The following RPTOR variants were observed in gnomAD, a reference collection of about 807,000 sequenced individuals.
RPTOR encodes regulatory associated protein of MTOR complex 1, also known as regulatory-associated protein of mTOR.
RPTOR carries 21 observed loss-of-function variants against 169.9 expected under a neutral mutation model. The ratio of observed to expected loss-of-function variants is 0.12; its 90% CI spans 0.09 to 0.18. RPTOR has a LOEUF of 0.18. Ranked by LOEUF, RPTOR falls within the 10% of genes least tolerant of loss-of-function variation. The pLI, the probability that RPTOR is intolerant of heterozygous loss-of-function variation, is 1.00. For synonymous variants in RPTOR, 732 were observed against 753.2 expected (o/e 0.97, Z 0.46); for missense variants, 1,133 against 1,855.9 (o/e 0.61, Z 7.16).
intron 7 of RPTOR, among the ~76,000 whole-genome samples, chr17:80,793,214 A>T (rs914722179): frequency 2.1e-4 from 32 of 152,224 alleles, no homozygotes; most frequent in Admixed American, 1.3e-4. Flanking sequence ...TAAATCCAAA[A>T]AACTTAACTG....
chr17:80,741,830 C>A (rs756150484), intron 5 of RPTOR, among the ~76,000 whole-genome samples: 4 of 152,060 alleles, frequency 2.6e-5, no homozygotes, highest in Admixed American at 6.5e-5. Flanking sequence ...TCGAGGCCTG[C>A]GTTCGGTGGT....
intron 1 of RPTOR, among the ~76,000 whole-genome samples, chr17:80,590,639 C>T (rs768713238): frequency 1.3e-5 from 2 of 152,190 alleles, no homozygotes; most frequent in Admixed American, 6.5e-5. Flanking sequence ...TGCGCACATG[C>T]GTGCACACAG....
intron 3 of RPTOR, among the ~76,000 whole-genome samples, chr17:80,668,907 A>G (rs2065801175): frequency 6.6e-6 from 1 of 152,224 alleles, no homozygotes. Flanking sequence ...TCTGTCCAGT[A>G]TTCTGTAAAG....
At chr17:80,781,168 C>T (rs141776785) in intron 6 of RPTOR, among the ~76,000 whole-genome samples, 43 of 152,314 alleles carry the variant, frequency 2.8e-4, no homozygotes, top group African/African-American at 9.1e-4. Flanking sequence ...TCAGATCCTC[C>T]GGTGACATTG....
At chr17:80,590,044 A>C (rs1375550809) in intron 1 of RPTOR, among the ~76,000 whole-genome samples, 1 of 152,264 alleles carries the variant, frequency 6.6e-6, no homozygotes, top group African/African-American at 2.4e-5. Context: ...CCATCAGATT[A>C]AGGAAGGTTT....
At chr17:80,716,829 T>G (rs2066243151) in intron 4 of RPTOR, among the ~76,000 whole-genome samples, 1 of 152,172 alleles carries the variant, frequency 6.6e-6, no homozygotes, top group Non-Finnish European at 1.5e-5. Flanking sequence ...AAAGGGTGTC[T>G]TTTCCCCACT....
intron 1 of RPTOR, among the ~76,000 whole-genome samples, chr17:80,605,413 C>T (rs7218776): frequency 0.56 from 85,005 of 151,910 alleles, 24,280 homozygotes; most frequent in Non-Finnish European, 0.62. Context: ...GCAGGTGATA[C>T]GTGAGAGTCA....
intron 3 of RPTOR, among the ~76,000 whole-genome samples, chr17:80,644,515 G>A (rs1040558699): frequency 6.6e-6 from 1 of 152,094 alleles, no homozygotes; most frequent in Admixed American, 6.5e-5. Flanking sequence ...TTATGGAAGT[G>A]CCCTATATTC....
intron 13 of RPTOR, among the ~76,000 whole-genome samples, chr17:80,870,124 A>G (rs1393471538): frequency 6.6e-6 from 1 of 152,240 alleles, no homozygotes; most frequent in Non-Finnish European, 1.5e-5. Flanking sequence ...GATAAAATTA[A>G]TACTCAGTCC....
intron 20 of RPTOR, among the ~76,000 whole-genome samples, chr17:80,899,917 G>C (rs1300795797): frequency 6.6e-6 from 1 of 152,180 alleles, no homozygotes; most frequent in East Asian, 1.9e-4. Context: ...GGCCTCCAAG[G>C]ATACTCCTGT....
chr17:80,816,847 G>T (rs1009332584), intron 7 of RPTOR, among the ~76,000 whole-genome samples: 4 of 152,160 alleles, frequency 2.6e-5, no homozygotes, highest in Non-Finnish European at 5.9e-5. Context: ...CAGGCATAAG[G>T]CCCCAGCGGC....
intron 1 of RPTOR, among the ~76,000 whole-genome samples, chr17:80,574,146 T>C (rs1466346395): frequency 6.7e-6 from 1 of 148,532 alleles, no homozygotes; most frequent in Non-Finnish European, 1.5e-5. Context: ...GATGGTTTTT[T>C]TTTTCTTTTT....
chr17:80,760,674 G>C (rs74001011), intron 6 of RPTOR, among the ~76,000 whole-genome samples: 4,247 of 152,264 alleles, frequency 0.028, 210 homozygotes, highest in African/African-American at 0.097. Flanking sequence ...GGCACTTCCT[G>C]CTCCAGAAAA....
intron 6 of RPTOR, among the ~76,000 whole-genome samples, chr17:80,785,606 C>A (rs1197062878): frequency 5.9e-5 from 9 of 152,134 alleles, no homozygotes; most frequent in Non-Finnish European, 1.2e-4. Flanking sequence ...TTTCAAGTGG[C>A]AGCAGGCAGT....
Position 80,964,274 on chromosome 17 carries a change from G to A in RPTOR, c.3952G>A (p.Val1318Met), listed in dbSNP as rs371220837. Residue 1318 changes from valine to methionine, a missense_variant, in exon 34 of 34, where the codon GTG becomes ATG. Val to Met is a conservative substitution (Grantham distance 21, BLOSUM62 1). This residue lies in a region of RPTOR where 410 missense variants were observed against 623.7 expected (regional missense o/e 0.66). Transcript: ENST00000306801. ...TCTCTCCTTGCAGCCTCACCTGGCC[G>A]TGGGAAGCAACGACTACTACATCTC... ...AFHPHWPHLA[V>M]GSNDYYISVY... 25 of 1,606,066 alleles carry A rather than the reference G, an allele frequency of 1.6e-5. No homozygotes were observed. The highest frequency in any genetic ancestry group is 4.0e-5 in the African/African-American group (3 of 74,650).
chr17:80,851,645 G>A (rs557736312), intron 11 of RPTOR, among the ~76,000 whole-genome samples: 46 of 152,334 alleles, frequency 3.0e-4, no homozygotes, highest in Middle Eastern at 3.4e-3. Context: ...CGAGGCCCCC[G>A]CGTGTGTTTC....
chr17:80,815,461 G>A (rs969847625), intron 7 of RPTOR, among the ~76,000 whole-genome samples: 7 of 152,226 alleles, frequency 4.6e-5, no homozygotes, highest in Admixed American at 3.3e-4. Context: ...CCTGTACCGC[G>A]CTTTTTCCTG....
chr17:80,552,534 A>G (rs2084358196), intron 1 of RPTOR, among the ~76,000 whole-genome samples: 1 of 152,244 alleles, frequency 6.6e-6, no homozygotes, highest in African/African-American at 2.4e-5. Context: ...ATCATAAAGC[A>G]AGGACCTAGT....
chr17:80,765,637 C>A (rs944767699), intron 6 of RPTOR, among the ~76,000 whole-genome samples: 1 of 152,056 alleles, frequency 6.6e-6, no homozygotes, highest in Non-Finnish European at 1.5e-5. Flanking sequence ...CCCAGGCTCC[C>A]GAACTGACAG....
Sources: allele counts gnomAD v4.1 joint callset (sites outside exome capture counted in the v4.1 genomes callset), GRCh38; gene constraint gnomAD v4.1.1; regional missense constraint gnomAD v4.1.1; transcripts MANE v1.5; gene names NCBI Gene and HGNC (gene_info 2026-07-23, HGNC 2026-07-21).